The following FBXL7 variants were observed in gnomAD, a reference collection of about 807,000 sequenced individuals.
FBXL7 encodes the protein F-box and leucine rich repeat protein 7.
A neutral mutation model predicts 38.3 loss-of-function variants in FBXL7; 12 were observed. The ratio of observed to expected loss-of-function variants is 0.31; its 90% confidence interval spans 0.20 to 0.51. The LOEUF (loss-of-function observed/expected upper bound fraction) is 0.51. FBXL7 is among the 20% of genes least tolerant of loss of function. FBXL7 has a pLI of 0.98. For synonymous variants in FBXL7, 297 were observed against 300.9 expected, an observed-to-expected ratio of 0.99 and a Z score of 0.13; for missense variants, 567 against 676.4, an observed-to-expected ratio of 0.84 and a Z score of 1.79.
intron 2 of FBXL7, among the ~76,000 whole-genome samples, chr5:15,759,877 C>T (rs765265874): frequency 6.6e-6 from 1 of 152,048 alleles, no homozygotes; most frequent in African/African-American, 2.4e-5. Flanking sequence ...GCAGATATGA[C>T]CAGAATTATT....
At chr5:15,559,793 G>T (rs557680195) in intron 1 of FBXL7, among the ~76,000 whole-genome samples, 9 of 152,316 alleles carry the variant, frequency 5.9e-5, no homozygotes, top group Admixed American at 5.9e-4. Flanking sequence ...GATTGATTAC[G>T]CATTGATGTT....
Position 15,928,113 on chromosome 5 carries a change from C to T in FBXL7, c.351C>T (p.Leu117=). 6.2e-7 allele frequency: 1 copy of T among 1,612,052 alleles called. No individual in the cohort carries two copies. The highest frequency in any genetic ancestry group is 1.1e-5 in the South Asian group (1 of 90,926). Residue 117 remains leucine (L), a synonymous_variant, in exon 3 of 4, where the codon CTC becomes CTT. Transcript: ENST00000504595. The surrounding 1 kb of genome is among the most constrained non-coding windows in gnomAD (Gnocchi z 4.0). ...PQKEQASIDR[L]PDHSMVQIFS... ...AGGAGCAGGCCAGCATAGACCGGCT[C>T]CCGGACCACTCCATGGTGCAGATCT...
At chr5:15,701,436 C>G (rs1743517450) in intron 2 of FBXL7, among the ~76,000 whole-genome samples, 1 of 152,130 alleles carries the variant, frequency 6.6e-6, no homozygotes, top group African/African-American at 2.4e-5. Context: ...TGGGGTTTCT[C>G]CCTTTTGTTG....
chr5:15,538,974 T>C (rs1272416004), intron 1 of FBXL7, among the ~76,000 whole-genome samples: 1 of 152,174 alleles, frequency 6.6e-6, no homozygotes, highest in Non-Finnish European at 1.5e-5. Context: ...TGATGAGTGG[T>C]AGAAGAAAAA....
chr5:15,616,150 G>A, intron 2 of FBXL7, 78 bp downstream of exon 2: 1 of 1,000,314 alleles, frequency 1.0e-6, no homozygotes, highest in South Asian at 1.4e-5. Context: ...AAGTGTGGGA[G>A]TGTTAGTTCT....
At chr5:15,698,483 A>G (rs574330135) in intron 2 of FBXL7, among the ~76,000 whole-genome samples, 2 of 152,212 alleles carry the variant, frequency 1.3e-5, no homozygotes, top group African/African-American at 2.4e-5. Context: ...TGACCACTCA[A>G]TAGTGAAATG....
chr5:15,526,933 G>C (rs1025668485), intron 1 of FBXL7, among the ~76,000 whole-genome samples: 2 of 152,078 alleles, frequency 1.3e-5, no homozygotes, highest in Admixed American at 6.5e-5. Context: ...TTACAATGTC[G>C]GGCTCTCCGT....
chr5:15,662,365 A>G (rs1373688702), intron 2 of FBXL7, among the ~76,000 whole-genome samples: 4 of 152,024 alleles, frequency 2.6e-5, no homozygotes, highest in African/African-American at 7.2e-5. Flanking sequence ...TTTTTCTCCT[A>G]TAAGTGTGTT....
At chr5:15,616,221 TTTGTTG>T (rs142993120) in intron 2 of FBXL7, 149 bp downstream of exon 2, 2 of 568,066 alleles carry the variant, frequency 3.5e-6, no homozygotes, top group Admixed American at 3.4e-5. Flanking sequence ...TCTCCTAAGT[TTTGTTG>T]TTGTTGTTGT....
chr5:15,784,200 G>A (rs945404031), intron 2 of FBXL7, among the ~76,000 whole-genome samples: 23 of 152,110 alleles, frequency 1.5e-4, no homozygotes. Flanking sequence ...CACAACTCTT[G>A]TTGGTCACCT....
chr5:15,932,070 A>T (rs1742051313), intron 3 of FBXL7, among the ~76,000 whole-genome samples: 1 of 152,200 alleles, frequency 6.6e-6, no homozygotes, highest in Non-Finnish European at 1.5e-5. Flanking sequence ...TAATTAAGTG[A>T]ACACAGGCGT....
intron 2 of FBXL7, among the ~76,000 whole-genome samples, chr5:15,709,760 T>G (rs1743804464): frequency 6.6e-6 from 1 of 152,176 alleles, no homozygotes; most frequent in East Asian, 1.9e-4. Context: ...CTCACCATTC[T>G]GGAGGCTGGG....
intron 2 of FBXL7, among the ~76,000 whole-genome samples, chr5:15,715,927 T>G (rs987380221): frequency 2.6e-5 from 4 of 152,220 alleles, no homozygotes; most frequent in African/African-American, 9.6e-5. Context: ...CAGATATGTT[T>G]AATGCCTCAG....
chr5:15,729,343 A>T (rs1012189153), intron 2 of FBXL7, among the ~76,000 whole-genome samples: 2 of 152,116 alleles, frequency 1.3e-5, no homozygotes, highest in African/African-American at 4.8e-5. Flanking sequence ...GAACTTGTGC[A>T]TGGGTGGCTG....
At chr5:15,844,811 A>T (rs1018334977) in intron 2 of FBXL7, among the ~76,000 whole-genome samples, 17 of 152,322 alleles carry the variant, frequency 1.1e-4, no homozygotes, top group African/African-American at 4.1e-4. Context: ...ACAGAAAAAA[A>T]AAATGACAAT....
At chr5:15,762,385 G>A (rs570541693) in intron 2 of FBXL7, among the ~76,000 whole-genome samples, 1 of 122,816 alleles carries the variant, frequency 8.1e-6, no homozygotes, top group Admixed American at 8.3e-5. Flanking sequence ...CTTGTAGGGT[G>A]GGGGAATGCC....
At chr5:15,613,581 G>A (rs1299138413) in intron 1 of FBXL7, among the ~76,000 whole-genome samples, 1 of 152,108 alleles carries the variant, frequency 6.6e-6, no homozygotes, top group East Asian at 1.9e-4. Flanking sequence ...GGAAATGATG[G>A]CCATTTTTCT....
At chr5:15,584,174 T>C (rs557699731) in intron 1 of FBXL7, among the ~76,000 whole-genome samples, 378 of 152,312 alleles carry the variant, frequency 2.5e-3, no homozygotes, top group Non-Finnish European at 4.7e-3. Flanking sequence ...CACAAAATAA[T>C]GTTTTCCTCC....
chr5:15,936,337 C>A lies in FBXL7; in HGVS notation c.740-113C>A. On this transcript the variant is annotated intron_variant, in intron 3 of 3. Transcript: ENST00000504595. The surrounding 1 kb of genome is among the most constrained non-coding windows in gnomAD (Gnocchi z 6.0). The stretch of plus-strand genomic sequence containing the variant: ...TAGAGACCAAGACAGGAAAGGGTAA[C>A]ATCAGCCTCGGACCCAGACTTGGGC... The A allele has an allele frequency of 7.6e-7, 1 of 1,307,864 alleles. No homozygotes were observed. Among genetic ancestry groups the A allele is most frequent in the Non-Finnish European group, 1.0e-6 (1 of 968,626 alleles). 81.0% of individuals were successfully genotyped at this position (1,307,864 alleles called of 1,614,324 possible).
Sources: allele counts gnomAD v4.1 joint callset (sites outside exome capture counted in the v4.1 genomes callset), GRCh38; gene constraint gnomAD v4.1.1; non-coding constraint Gnocchi (gnomAD v3.1); transcripts MANE v1.5; gene names NCBI Gene and HGNC (gene_info 2026-07-23, HGNC 2026-07-21).